Variants in SVOPL observed in about 807,000 individuals in gnomAD.
SVOPL encodes the protein putative transporter SVOPL.
A neutral mutation model predicts 61.0 loss-of-function variants in SVOPL; 60 were observed. That is an observed-to-expected ratio of 0.98 (90% CI 0.80 to 1.22). SVOPL has a LOEUF of 1.22. Among genes scored for constraint, SVOPL ranks in the 50% most tolerant of loss-of-function variants. The probability of loss-of-function intolerance (pLI) is 0.00; values close to 1 mark genes in which losing one functional copy is unlikely to be tolerated. For synonymous variants in SVOPL, 279 were observed against 250.0 expected, an observed-to-expected ratio of 1.12 and a Z score of -1.09; for missense variants, 662 against 643.9, an observed-to-expected ratio of 1.03 and a Z score of -0.30.
chr7:138,630,069 T>G lies in SVOPL; in HGVS notation c.843A>C (p.Thr281=). The change falls in exon 10 of 16, where the codon ACA becomes ACC. Residue 281 remains threonine, a synonymous_variant. Coordinates refer to ENST00000674285, the MANE Select transcript of SVOPL (RefSeq NM_001139456.2). ...CTTACCATATGACCCAGATCTGTAA[T>G]GTGGTCCGTAAATATTTAGCATCCA... ...DLLDAKYLRT[T]LQIWVIWLGI... is the part of the protein sequence containing the mutation. 1 of 1,613,992 alleles carries G rather than the reference T, an allele frequency of 6.2e-7. No individual in the cohort carries two copies. Among genetic ancestry groups the G allele is most frequent in the Non-Finnish European group, 8.5e-7 (1 of 1,179,852 alleles).
chr7:138,621,874 C>CTATGTATCTATCTATG (rs1563095599), intron 13 of SVOPL, among the ~76,000 whole-genome samples: 1 of 26,040 alleles, frequency 3.8e-5, no homozygotes, highest in Non-Finnish European at 9.7e-5. Context: ...ATCTATCTAT[C>CTATGTATCTATCTATG]TATCTATCTA....
intron 1 of SVOPL, among the ~76,000 whole-genome samples, chr7:138,699,165 G>T (rs1484421599): frequency 6.6e-6 from 1 of 151,598 alleles, no homozygotes; most frequent in Non-Finnish European, 1.5e-5. Flanking sequence ...AAAATTAGCT[G>T]GGTGTGGTAG....
rs112170776 is a variant in SVOPL at position 138,683,557 on chromosome 7, G to A, written c.-34-4478C>T. 5.1e-3 allele frequency among the ~76,000 whole-genome samples: 769 copies of A among 151,944 alleles called. 10 individuals carry two copies. The highest frequency in any genetic ancestry group is 8.5e-3 in the Admixed American group (130 of 15,242). Reference sequence around the variant, plus strand: ...TAATTTTTGTATTTTTAGTAGAGACGTACGTTTCTCCATGTTGGCCAGGCT... The same window carrying A: ...TAATTTTTGTATTTTTAGTAGAGACATACGTTTCTCCATGTTGGCCAGGCT... On this transcript the variant is annotated intron_variant, in intron 1 of 15. Transcript: ENST00000674285.
intron 6 of SVOPL, 149 bp from the exon 7 acceptor site, chr7:138,656,660 C>T: frequency 1.3e-6 from 1 of 795,302 alleles, no homozygotes. Context: ...CAGCTAATAT[C>T]CACATAAGAG....
intron 13 of SVOPL, among the ~76,000 whole-genome samples, chr7:138,624,067 G>A (rs1431465651): frequency 2.0e-5 from 3 of 152,130 alleles, no homozygotes; most frequent in African/African-American, 7.2e-5. Flanking sequence ...GGATCCACCT[G>A]CCGCGGCCTC....
intron 7 of SVOPL, among the ~76,000 whole-genome samples, chr7:138,653,017 T>C (rs985566507): frequency 6.6e-6 from 1 of 152,210 alleles, no homozygotes; most frequent in Non-Finnish European, 1.5e-5. Context: ...GGAGAAAGTC[T>C]GAGTGGTCTG....
At chr7:138,622,133 T>TCGACAGAGTCTCA (rs1229249471) in intron 13 of SVOPL, among the ~76,000 whole-genome samples, 2 of 139,152 alleles carry the variant, frequency 1.4e-5, no homozygotes, top group Admixed American at 7.2e-5. Flanking sequence ...TATCTATCTA[T>TCGACAGAGTCTCA]CTATGTATCT....
At chr7:138,632,260 C>T (rs990052555) in intron 9 of SVOPL, among the ~76,000 whole-genome samples, 1 of 152,084 alleles carries the variant, frequency 6.6e-6, no homozygotes, top group African/African-American at 2.4e-5. Context: ...GGTAAAACCT[C>T]ATCTCTACTA....
intron 14 of SVOPL, among the ~76,000 whole-genome samples, chr7:138,614,934 T>C (rs116077626): frequency 2.5e-4 from 38 of 152,256 alleles, no homozygotes; most frequent in African/African-American, 8.9e-4. Context: ...GAAAACACCA[T>C]GTGAAGTCTG....
intron 14 of SVOPL, among the ~76,000 whole-genome samples, chr7:138,615,340 G>T (rs1042023476): frequency 2.0e-5 from 3 of 152,058 alleles, no homozygotes; most frequent in African/African-American, 7.2e-5. Context: ...GGCAGATCAC[G>T]AAGTCAGGAG....
chr7:138,660,704 C>A (rs1227191452), intron 5 of SVOPL: 5 of 985,204 alleles, frequency 5.1e-6, no homozygotes, highest in Non-Finnish European at 6.0e-6. Flanking sequence ...TTCTGGAAGA[C>A]AAATGTTCAG....
intron 14 of SVOPL, among the ~76,000 whole-genome samples, chr7:138,603,118 C>T (rs963280): frequency 0.34 from 51,371 of 151,904 alleles, 9,137 homozygotes; most frequent in Admixed American, 0.43. Context: ...AGAGACAAAA[C>T]ATATGTATAT....
At chr7:138,698,293 A>G (rs1803116625) in intron 1 of SVOPL, among the ~76,000 whole-genome samples, 2 of 152,078 alleles carry the variant, frequency 1.3e-5, no homozygotes, top group Non-Finnish European at 2.9e-5. Context: ...AGAAATTGCT[A>G]TTGCCTACCC....
chr7:138,606,239 G>A (rs1245219919), intron 14 of SVOPL, among the ~76,000 whole-genome samples: 2 of 152,096 alleles, frequency 1.3e-5, no homozygotes, highest in African/African-American at 2.4e-5. Flanking sequence ...GTATTACCTG[G>A]AGTTCTTGTC....
At chr7:138,635,071 G>A (rs1218447655) in intron 9 of SVOPL, among the ~76,000 whole-genome samples, 3 of 152,042 alleles carry the variant, frequency 2.0e-5, no homozygotes, top group African/African-American at 4.8e-5. Flanking sequence ...TCGGGAGTTC[G>A]AGACCAGCCT....
chr7:138,687,851 G>T (rs1426007527), intron 1 of SVOPL, among the ~76,000 whole-genome samples: 6 of 151,820 alleles, frequency 4.0e-5, no homozygotes, highest in Non-Finnish European at 1.5e-5. Context: ...CACCAGGCTG[G>T]AGTGCAGTGG....
intron 3 of SVOPL, among the ~76,000 whole-genome samples, chr7:138,677,150 C>G (rs932593009): frequency 6.6e-6 from 1 of 152,018 alleles, no homozygotes; most frequent in Non-Finnish European, 1.5e-5. Flanking sequence ...GTGATCCGCC[C>G]GCCTCGGCCT....
intron 10 of SVOPL, among the ~76,000 whole-genome samples, chr7:138,628,683 C>G (rs1257000590): frequency 6.6e-6 from 1 of 152,208 alleles, no homozygotes; most frequent in African/African-American, 2.4e-5. Context: ...GTTCCAGTTA[C>G]TTTGCCTCCT....
chr7:138,600,264 A>G (rs1313115868), intron 14 of SVOPL, among the ~76,000 whole-genome samples: 1 of 152,216 alleles, frequency 6.6e-6, no homozygotes, highest in African/African-American at 2.4e-5. Flanking sequence ...TTAAGACAAG[A>G]TATAATTTAT....
Sources: allele counts gnomAD v4.1 joint callset (sites outside exome capture counted in the v4.1 genomes callset), GRCh38; gene constraint gnomAD v4.1.1; transcripts MANE v1.5; gene names NCBI Gene and HGNC (gene_info 2026-07-23, HGNC 2026-07-21).